OTP: variants seen among roughly 807,000 people sequenced by gnomAD.
The protein encoded by OTP is orthopedia homeobox, also known as homeobox protein orthopedia.
OTP carries 5 observed loss-of-function variants against 22.3 expected under a neutral mutation model. That is an observed-to-expected ratio of 0.22 (90% CI 0.12 to 0.47). The LOEUF is 0.47. Ranked by LOEUF, OTP falls within the 20% of genes least tolerant of loss-of-function variation. The pLI, the probability that OTP is intolerant of heterozygous loss-of-function variation, is 0.99. For missense variants in OTP, 428 were observed against 456.2 expected, an observed-to-expected ratio of 0.94 and a Z score of 0.56; for synonymous variants, 229 against 210.6, an observed-to-expected ratio of 1.09 and a Z score of -0.76.
chr5:77,631,004 G>A (rs1744920921), intron 2 of OTP, among the ~76,000 whole-genome samples: 1 of 152,226 alleles, frequency 6.6e-6, no homozygotes, highest in African/African-American at 2.4e-5. Context: ...CACCCACCAA[G>A]CGCGGAGTCC....
chr5:77,630,865 A>G (rs2112366677), intron 2 of OTP, 71 bp from the exon 3 acceptor site: 3 of 1,433,936 alleles, frequency 2.1e-6, no homozygotes, highest in Non-Finnish European at 2.7e-6. Flanking sequence ...TTGGGGCTTG[A>G]GCCCCAGAAA....
rs746264738 is a variant in OTP at position 77,630,260 on chromosome 5, T to C, written c.*4A>G. The C allele has an allele frequency of 2.0e-6, 3 of 1,512,988 alleles. No homozygotes were observed. The South Asian group carries it at 3.7e-5, about 19-fold the overall frequency. 93.7% of individuals were successfully genotyped at this position (1,512,988 alleles called of 1,614,324 possible). A position where few individuals can be genotyped will look rare whatever the true frequency, so the allele number is the denominator to read the frequency against. On this transcript the variant is annotated 3_prime_UTR_variant, in exon 3 of 3. Transcript: ENST00000306422. ...GGGGCGGAGCGGGCCGGGGCGCGGCTGCATTAAGTGAAGCTCATAGAGACT... is the reference window on the plus strand; with the variant it reads ...GGGGCGGAGCGGGCCGGGGCGCGGCCGCATTAAGTGAAGCTCATAGAGACT...
Position 77,637,211 on chromosome 5 carries a change from C to T in OTP, c.57G>A (p.Glu19=). Residue 19 remains glutamate (E), a synonymous_variant, in exon 2 of 3, where the codon GAG becomes GAA. Coordinates refer to ENST00000306422, the MANE Select transcript of OTP (RefSeq NM_032109.3). ...TCACCGCCTCCCGGTGGCCCAGAAG[C>T]TCGGCGGCATCTTTCATACCTGAGG... ...DARLGMKDAA[E]LLGHREAVKC... 1.1e-5 allele frequency: 17 copies of T among 1,527,418 alleles called. No individual in the cohort carries two copies. The highest frequency in any genetic ancestry group is 1.5e-5 in the Non-Finnish European group (17 of 1,138,670). 94.6% of individuals were successfully genotyped at this position (1,527,418 alleles called of 1,614,324 possible). A position where few individuals can be genotyped will look rare whatever the true frequency, so the allele number is the denominator to read the frequency against.
chr5:77,633,061 C>A (rs981366590), intron 2 of OTP, among the ~76,000 whole-genome samples: 5 of 152,108 alleles, frequency 3.3e-5, no homozygotes, highest in African/African-American at 1.2e-4. Flanking sequence ...CTTATAAAAT[C>A]AAGACCGGTT....
Position 77,638,654 on chromosome 5 carries a change from A to G in OTP, c.-105T>C, listed in dbSNP as rs1465314941. On this transcript the variant is annotated 5_prime_UTR_variant, in exon 1 of 3. Transcript: ENST00000306422. ...AGCTATACGATATAGATATATATAG[A>G]TCACCTAAATGAAAGAAAATTCGGT... 1 of 1,095,484 alleles carries G rather than the reference A, an allele frequency of 9.1e-7. No individual in the cohort carries two copies. The highest frequency in any genetic ancestry group is 2.1e-5 in the South Asian group (1 of 47,020). The allele number at this position is 1,095,484 out of a possible 1,614,324, so 67.9% of individuals were successfully genotyped here.
At chr5:77,638,271 A>G (rs1051419883) in intron 1 of OTP, among the ~76,000 whole-genome samples, 28 of 138,874 alleles carry the variant, frequency 2.0e-4, no homozygotes, top group Non-Finnish European at 2.5e-4. Context: ...AAGGCGGGGG[A>G]GGGGGGAAGA....
rs1012556673 is a variant in OTP, at chr5:77,630,043, G to T, written c.*221C>A. On this transcript the variant is annotated 3_prime_UTR_variant, in exon 3 of 3. Coordinates refer to ENST00000306422, the MANE Select transcript of OTP (RefSeq NM_032109.3). ...AAGGGAAGAGGGGCGGCCGGGAGAC[G>T]GGGGACCGCGGGCGATCGAAATCAG... The T allele has an allele frequency of 1.9e-5, 5 of 264,168 alleles. No homozygotes were observed. The Admixed American group carries it at 2.2e-4, about 11-fold the overall frequency. The allele number at this position is 264,168 out of a possible 1,614,324, so 16.4% of individuals were successfully genotyped here.
intron 1 of OTP, among the ~76,000 whole-genome samples, chr5:77,638,029 AG>A (rs1361289282): frequency 6.6e-6 from 1 of 152,108 alleles, no homozygotes; most frequent in African/African-American, 2.4e-5. Context: ...CTTCTCAACC[AG>A]CACACTTAGC....
Position 77,638,630 on chromosome 5 carries a change from G to C in OTP, c.-81C>G, listed in dbSNP as rs1036638518. The C allele has an allele frequency of 7.5e-7, 1 of 1,332,558 alleles. No individual in the cohort carries two copies. Among genetic ancestry groups the C allele is most frequent in the Non-Finnish European group, 1.0e-6 (1 of 987,122 alleles). 82.5% of individuals were successfully genotyped at this position (1,332,558 alleles called of 1,614,324 possible). ...TATTTAAAATAGATATAAGCTATAA[G>C]CTATACGATATAGATATATATAGAT... On this transcript the variant is annotated 5_prime_UTR_variant, in exon 1 of 3. Transcript: ENST00000306422.
At chr5:77,634,749 TAAG>T (rs1021741865) in intron 2 of OTP, among the ~76,000 whole-genome samples, 6 of 152,210 alleles carry the variant, frequency 3.9e-5, no homozygotes, top group African/African-American at 1.4e-4. Context: ...AAAAGTTAAT[TAAG>T]AAGGTTATGT....
rs756439890 is a variant in OTP at position 77,630,543 on chromosome 5, C to A, written c.699G>T (p.Ala233=). Residue 233 remains alanine, a synonymous_variant, in exon 3 of 3, where the codon GCG becomes GCT. Coordinates refer to ENST00000306422, the MANE Select transcript of OTP (RefSeq NM_032109.3). ...PPALGRQQAM[A]QSLSQCSLAA... is the part of the protein sequence containing the mutation. Reference sequence around the variant, plus strand: ...CCAGGCTGCACTGGGACAGCGACTGCGCCATGGCCTGCTGCCTGCCCAGCG... The same window carrying A: ...CCAGGCTGCACTGGGACAGCGACTGAGCCATGGCCTGCTGCCTGCCCAGCG... 3 of 1,579,762 alleles carry A rather than the reference C, an allele frequency of 1.9e-6. No individual in the cohort carries two copies. The highest frequency in any genetic ancestry group is 2.6e-6 in the Non-Finnish European group (3 of 1,166,468).
chr5:77,633,393 G>T (rs534758620), intron 2 of OTP, among the ~76,000 whole-genome samples: 47 of 152,282 alleles, frequency 3.1e-4, no homozygotes, highest in African/African-American at 1.0e-3. Flanking sequence ...CGTGGGGTCT[G>T]AGCACCTCCG....
chr5:77,633,788 T>A (rs761987382), intron 2 of OTP, among the ~76,000 whole-genome samples: 27 of 152,222 alleles, frequency 1.8e-4, no homozygotes, highest in East Asian at 5.8e-4. Flanking sequence ...TTTTCCCCCC[T>A]TGAAGCAAAT....
At chr5:77,633,115 G>A (rs1367769791) in intron 2 of OTP, among the ~76,000 whole-genome samples, 1 of 152,190 alleles carries the variant, frequency 6.6e-6, no homozygotes, top group Admixed American at 6.5e-5. Context: ...ATGTTTGTTT[G>A]AGGAGAGGGA....
rs889326048 is a variant in OTP, at chr5:77,629,305, C to G, written c.*959G>C. The G allele has an allele frequency of 6.6e-6, 1 of 152,272 alleles. No individual in the cohort carries two copies. The highest frequency in any genetic ancestry group is 2.4e-5 in the African/African-American group (1 of 41,462). 9.4% of individuals were successfully genotyped at this position (152,272 alleles called of 1,614,324 possible). Reference sequence around the variant, plus strand: ...CGTCACATGACTGCTTTAGTCTACTCCAGCCACCCAATCCACTGTCACGTT... The same window carrying G: ...CGTCACATGACTGCTTTAGTCTACTGCAGCCACCCAATCCACTGTCACGTT... On this transcript the variant is annotated 3_prime_UTR_variant, in exon 3 of 3. Transcript: ENST00000306422.
chr5:77,635,532 C>T (rs1744993886), intron 2 of OTP, among the ~76,000 whole-genome samples: 1 of 151,958 alleles, frequency 6.6e-6, no homozygotes, highest in African/African-American at 2.4e-5. Flanking sequence ...ATTTTAAATC[C>T]CCAATAATAT....
At position 77,637,130 on chromosome 5, in the gene OTP, C is replaced by A; in HGVS notation, c.138G>T (p.Ala46=). ...CTCCCTCCACTGGGTCAGAGTTGGG[C>A]GCCAGGTCCCCCGGATGGCCCCCGG... is the stretch of plus-strand genomic sequence containing the variant. ...SDPGGHPGDL[A]PNSDPVEGAT... The change falls in exon 2 of 3, where the codon GCG becomes GCT. Residue 46 remains alanine (A), a synonymous_variant. Transcript: ENST00000306422. The A allele has an allele frequency of 6.2e-7, 1 of 1,605,796 alleles. No homozygotes were observed. The highest frequency in any genetic ancestry group is 8.5e-7 in the Non-Finnish European group (1 of 1,176,170).
intron 2 of OTP, 129 bp from the exon 3 acceptor site, chr5:77,630,923 G>A (rs77572607): frequency 0.094 from 100,538 of 1,069,956 alleles, 5,395 homozygotes; most frequent in East Asian, 0.22. Context: ...AAGTGCCGTA[G>A]GCCCGACAAG....
At chr5:77,636,614 T>C in intron 2 of OTP, 1 of 541,292 alleles carries the variant, frequency 1.8e-6, no homozygotes, top group Non-Finnish European at 3.2e-6. Flanking sequence ...GTCGCTATAC[T>C]GGCCGGAGAC....
Sources: gnomAD v4.1 joint callset for allele counts (sites outside exome capture counted in the v4.1 genomes callset) on GRCh38, gnomAD v4.1.1 for gene constraint, MANE v1.5 for transcripts, NCBI Gene and HGNC (gene_info 2026-07-23, HGNC 2026-07-21) for gene names.